SRD5A3: variants seen among roughly 807,000 people sequenced by gnomAD.
SRD5A3 encodes steroid 5 alpha-reductase 3.
In SRD5A3, 24 loss-of-function variants were observed where a neutral mutation model predicts 34.3. The observed-to-expected ratio is 0.70, with a 90% CI of 0.51 to 0.99. The LOEUF is 0.99. Among genes scored for constraint, SRD5A3 ranks in the 50% least tolerant of loss-of-function variants. The pLI is 0.00. For missense variants in SRD5A3, 350 were observed against 388.2 expected, an observed-to-expected ratio of 0.90 and a Z score of 0.83; for synonymous variants, 161 against 167.3, an observed-to-expected ratio of 0.96 and a Z score of 0.29.
intron 1 of SRD5A3, among the ~76,000 whole-genome samples, chr4:55,355,829 A>G (rs1343991667): frequency 6.6e-6 from 1 of 152,110 alleles, no homozygotes; most frequent in Non-Finnish European, 1.5e-5. Context: ...AGATAACCAC[A>G]TAAGCTTCAT....
intron 1 of SRD5A3, among the ~76,000 whole-genome samples, chr4:55,351,440 C>T (rs997555542): frequency 3.2e-4 from 48 of 152,062 alleles, no homozygotes; most frequent in African/African-American, 1.1e-3. Context: ...AGGGCAAGCA[C>T]AGTGGCTCAC....
intron 1 of SRD5A3, among the ~76,000 whole-genome samples, chr4:55,348,439 CAG>C (rs1719075289): frequency 6.6e-6 from 1 of 152,184 alleles, no homozygotes. Context: ...ATGAAATAGG[CAG>C]ATAATTAGAG....
Position 55,362,237 on chromosome 4 carries a change from C to G in SRD5A3, c.365-1837C>G, listed in dbSNP as rs181732409. Among the ~76,000 whole-genome samples, 95 of 151,722 alleles carry G rather than the reference C, an allele frequency of 6.3e-4. 1 individual carries two copies. The East Asian group carries it at 0.017, about 28-fold the overall frequency. On this transcript the variant is annotated intron_variant, in intron 2 of 4. Transcript: ENST00000264228. ...ACCCCTCCCGGGTTCAAGCGATTCTCCTGCCTCAGCCTCCTGAGTAGCTGG... is the reference window on the plus strand; with the variant it reads ...ACCCCTCCCGGGTTCAAGCGATTCTGCTGCCTCAGCCTCCTGAGTAGCTGG...
chr4:55,347,055 C>T (rs1002356590), intron 1 of SRD5A3, among the ~76,000 whole-genome samples: 25 of 152,342 alleles, frequency 1.6e-4, no homozygotes, highest in African/African-American at 4.8e-4. Flanking sequence ...CCAACCCTTG[C>T]AGTGGGGACA....
At chr4:55,357,372 G>A (rs1161056293) in intron 1 of SRD5A3, among the ~76,000 whole-genome samples, 1 of 152,222 alleles carries the variant, frequency 6.6e-6, no homozygotes, top group Non-Finnish European at 1.5e-5. Context: ...TTGTCCTTCA[G>A]AAGCTATCCC....
intron 1 of SRD5A3, among the ~76,000 whole-genome samples, chr4:55,347,853 C>G (rs536996367): frequency 1.3e-5 from 2 of 152,182 alleles, no homozygotes; most frequent in Non-Finnish European, 2.9e-5. Context: ...AGTAGAAGTA[C>G]ATGAAACAAA....
chr4:55,347,583 A>T (rs1578199600), intron 1 of SRD5A3, among the ~76,000 whole-genome samples: 1 of 152,202 alleles, frequency 6.6e-6, no homozygotes. Flanking sequence ...GGCTATAATC[A>T]TGGCACTGCA....
At chr4:55,349,094 GC>G (rs1719095195) in intron 1 of SRD5A3, among the ~76,000 whole-genome samples, 1 of 152,160 alleles carries the variant, frequency 6.6e-6, no homozygotes, top group South Asian at 2.1e-4. Context: ...GAACGTAGTG[GC>G]TCAGTCTTAG....
At chr4:55,352,047 G>A in intron 1 of SRD5A3, 2 of 769,740 alleles carry the variant, frequency 2.6e-6, no homozygotes, top group Non-Finnish European at 2.4e-6. Context: ...GTGATCCTTA[G>A]AGCCACTCCA....
At chr4:55,361,806 A>G (rs1719696954) in intron 2 of SRD5A3, among the ~76,000 whole-genome samples, 1 of 152,094 alleles carries the variant, frequency 6.6e-6, no homozygotes, top group Admixed American at 6.6e-5. Flanking sequence ...TCCATCTAAA[A>G]AAAAAGAGCA....
At chr4:55,359,245 G>T in intron 1 of SRD5A3, 101 bp from the exon 2 acceptor site, 1 of 1,484,528 alleles carries the variant, frequency 6.7e-7, no homozygotes, top group Non-Finnish European at 9.3e-7. Flanking sequence ...CTTTGGGAAT[G>T]GAGGGGTGGG....
intron 3 of SRD5A3, among the ~76,000 whole-genome samples, chr4:55,365,379 G>A (rs1049382649): frequency 1.3e-5 from 2 of 152,166 alleles, no homozygotes; most frequent in East Asian, 1.9e-4. Context: ...ATTTATTGAC[G>A]ATCTTTCTCA....
chr4:55,359,126 T>C, intron 1 of SRD5A3: 1 of 554,746 alleles, frequency 1.8e-6, no homozygotes, highest in Non-Finnish European at 3.2e-6. Context: ...CTTGTTAACC[T>C]CAGAGAGGCC....
chr4:55,346,928 C>G (rs1366746032), intron 1 of SRD5A3, among the ~76,000 whole-genome samples: 2 of 110,238 alleles, frequency 1.8e-5, no homozygotes, highest in Admixed American at 1.7e-4. Context: ...CCCAAATTCT[C>G]CTTTTTCCCG....
chr4:55,369,621 C>T, intron 4 of SRD5A3: 5 of 602,974 alleles, frequency 8.3e-6, no homozygotes, highest in Non-Finnish European at 1.2e-5. Context: ...GTACTAGCCA[C>T]TGGGCAGTTT....
intron 1 of SRD5A3, among the ~76,000 whole-genome samples, chr4:55,358,301 G>T (rs1719546191): frequency 1.3e-5 from 2 of 152,104 alleles, no homozygotes; most frequent in Non-Finnish European, 1.5e-5. Flanking sequence ...AAGCCAAGGT[G>T]GGAGGGATCT....
Position 55,362,981 on chromosome 4 carries a change from T to A in SRD5A3, c.365-1093T>A, listed in dbSNP as rs6554275. On this transcript the variant is annotated intron_variant, in intron 2 of 4. Transcript: ENST00000264228. ...CTACCTCAGCCTGCCAAGTAGCTGG[T>A]TCTACAGGCGCACACCACCATGCCT... 5.0e-4 allele frequency among the ~76,000 whole-genome samples: 76 copies of A among 150,586 alleles called. 1 individual carries two copies. The highest frequency in any genetic ancestry group is 1.8e-3 in the African/African-American group (73 of 40,834).
chr4:55,367,249 A>C, intron 3 of SRD5A3: 1 of 376,068 alleles, frequency 2.7e-6, no homozygotes, highest in Admixed American at 3.9e-5. Context: ...AGATCACAGT[A>C]GGGGAGCTGA....
intron 1 of SRD5A3, among the ~76,000 whole-genome samples, chr4:55,348,862 A>G (rs1346520119): frequency 6.6e-6 from 1 of 152,232 alleles, no homozygotes; most frequent in Non-Finnish European, 1.5e-5. Context: ...TTCGTGGGAA[A>G]TATCTTGTAC....
Sources: gnomAD v4.1 joint callset for allele counts (sites outside exome capture counted in the v4.1 genomes callset) on GRCh38, gnomAD v4.1.1 for gene constraint, MANE v1.5 for transcripts, NCBI Gene and HGNC (gene_info 2026-07-23, HGNC 2026-07-21) for gene names.